The following SOX5 variants were observed in gnomAD, a reference collection of about 807,000 sequenced individuals.
SOX5 encodes SRY-box transcription factor 5.
A neutral mutation model predicts 92.0 loss-of-function variants in SOX5; 9 were observed. That is an observed-to-expected ratio of 0.10 (90% CI 0.06 to 0.17). The LOEUF (loss-of-function observed/expected upper bound fraction) is 0.17, where lower values mean the gene tolerates loss of function less well. Among genes scored for constraint, SOX5 ranks in the 10% least tolerant of loss-of-function variants. SOX5 has a pLI of 1.00. For synonymous variants in SOX5, 344 were observed against 336.3 expected, an observed-to-expected ratio of 1.02 and a Z score of -0.25; for missense variants, 642 against 944.5, an observed-to-expected ratio of 0.68 and a Z score of 4.20.
chr12:24,225,434 G>T lies in SOX5; in HGVS notation c.-76-12017C>A, dbSNP rs78002068. On this transcript the variant is annotated intron_variant, in intron 3 of 4. Transcript: ENST00000446891. ...AGCTTTGAAACTTTAAAACTTTTGG[G>T]CATCAGGAAAAGCCATTAGTTGAGT... is the stretch of plus-strand genomic sequence containing the variant. Among the ~76,000 whole-genome samples, 87 of 151,240 alleles carry T rather than the reference G, an allele frequency of 5.8e-4. 2 individuals carry two copies. In the East Asian group the frequency reaches 0.015, roughly 27 times the overall value.
At chr12:23,591,608 C>T (rs1951568262) in intron 9 of SOX5, among the ~76,000 whole-genome samples, 1 of 152,130 alleles carries the variant, frequency 6.6e-6, no homozygotes, top group Non-Finnish European at 1.5e-5. Flanking sequence ...AGAGAAACGA[C>T]AGTGCTATTT....
intron 1 of SOX5, among the ~76,000 whole-genome samples, chr12:24,442,647 G>A (rs1940822042): frequency 6.6e-6 from 1 of 152,188 alleles, no homozygotes; most frequent in Non-Finnish European, 1.5e-5. Context: ...TGATTTAACT[G>A]AGCAGCGTGA....
At chr12:23,979,962 C>CAGACAGACAGAT (rs1251117542) in intron 4 of SOX5, among the ~76,000 whole-genome samples, 1 of 135,546 alleles carries the variant, frequency 7.4e-6, no homozygotes, top group African/African-American at 2.7e-5. Context: ...GACAGACAGA[C>CAGACAGACAGAT]AGATAGATAG....
At chr12:24,502,061 T>C (rs1195303016) in intron 1 of SOX5, among the ~76,000 whole-genome samples, 1 of 152,216 alleles carries the variant, frequency 6.6e-6, no homozygotes, top group African/African-American at 2.4e-5. Flanking sequence ...GAAACAGCCT[T>C]CCAGGCTCCA....
chr12:24,070,419 G>T (rs1941579019), intron 4 of SOX5, among the ~76,000 whole-genome samples: 1 of 152,116 alleles, frequency 6.6e-6, no homozygotes, highest in South Asian at 2.1e-4. Flanking sequence ...GAAAAGAGCA[G>T]GTCCCAGAAC....
chr12:24,552,547 T>C (rs1253288390), intron 1 of SOX5, among the ~76,000 whole-genome samples: 2 of 152,254 alleles, frequency 1.3e-5, no homozygotes, highest in African/African-American at 4.8e-5. Context: ...AACACTGTTC[T>C]GTAATTTCCT....
chr12:24,097,751 G>A (rs1029780788), intron 4 of SOX5, among the ~76,000 whole-genome samples: 12 of 151,984 alleles, frequency 7.9e-5, no homozygotes, highest in Non-Finnish European at 1.3e-4. Context: ...ACTACTGATC[G>A]CACTGTCATT....
chr12:23,657,702 G>T (rs901785889), intron 7 of SOX5, among the ~76,000 whole-genome samples: 2 of 152,146 alleles, frequency 1.3e-5, no homozygotes, highest in Admixed American at 6.5e-5. Context: ...TAAAAACTTA[G>T]AAGTCTAAGG....
intron 9 of SOX5, among the ~76,000 whole-genome samples, chr12:23,583,762 G>C (rs1247892665): frequency 6.6e-6 from 1 of 152,198 alleles, no homozygotes; most frequent in East Asian, 1.9e-4. Flanking sequence ...AGAAATTAAA[G>C]AGTTGATCAC....
chr12:23,960,530 CATAT>C (rs60925174), intron 4 of SOX5, among the ~76,000 whole-genome samples: 14 of 137,092 alleles, frequency 1.0e-4, no homozygotes, highest in East Asian at 4.0e-4. Context: ...TATATATATA[CATAT>C]ATATATATAT....
At chr12:24,099,593 A>T (rs1056890676) in intron 4 of SOX5, among the ~76,000 whole-genome samples, 6 of 152,052 alleles carry the variant, frequency 3.9e-5, no homozygotes, top group African/African-American at 1.4e-4. Context: ...CTTGGCTGAG[A>T]GTTACTGGCT....
intron 8 of SOX5, among the ~76,000 whole-genome samples, chr12:23,608,579 T>A (rs1303047833): frequency 6.6e-6 from 1 of 152,198 alleles, no homozygotes; most frequent in Non-Finnish European, 1.5e-5. Flanking sequence ...TGCTTTCTAC[T>A]TCTAGTGGAA....
intron 1 of SOX5, among the ~76,000 whole-genome samples, chr12:24,380,061 T>G (rs1957675048): frequency 6.6e-6 from 1 of 152,036 alleles, no homozygotes; most frequent in Admixed American, 6.5e-5. Context: ...TGAAGTGAAA[T>G]GAAAGACAGG....
In SOX5 at chr12:24,200,521, C is replaced by T. The variant is rs143793532; in HGVS notation, c.-2+12822G>A. Among the ~76,000 whole-genome samples the T allele has an allele frequency of 5.2e-3, 795 of 151,686 alleles. 4 individuals are homozygous for T. Among genetic ancestry groups the T allele is most frequent in the African/African-American group, 0.018 (751 of 41,366 alleles). ...TTTTTTTTAATTTGATCTACGCTGC[C>T]GTGAAAACACGCACACTCATATATA... On this transcript the variant is annotated intron_variant, in intron 4 of 4. Transcript: ENST00000446891.
intron 3 of SOX5, among the ~76,000 whole-genome samples, chr12:24,250,819 AC>A (rs1438875280): frequency 2.0e-5 from 3 of 152,120 alleles, no homozygotes; most frequent in Admixed American, 2.0e-4. Flanking sequence ...TAAACGCCCT[AC>A]CTTCCCCATG....
chr12:23,663,468 T>C (rs1407800956), intron 7 of SOX5, among the ~76,000 whole-genome samples: 1 of 152,190 alleles, frequency 6.6e-6, no homozygotes, highest in Non-Finnish European at 1.5e-5. Context: ...GGTTATGCTA[T>C]TGTTCATACT....
chr12:24,213,263 A>T (rs1275057479), intron 4 of SOX5: 1 of 152,094 alleles, frequency 6.6e-6, no homozygotes, highest in African/African-American at 2.4e-5. Context: ...TGGAAGAAAT[A>T]AGCAAGTGGC....
chr12:23,695,585 A>T (rs1470439976), intron 6 of SOX5, among the ~76,000 whole-genome samples: 1 of 152,164 alleles, frequency 6.6e-6, no homozygotes, highest in African/African-American at 2.4e-5. Flanking sequence ...GTAGAAAATT[A>T]TTTTATTAAT....
At chr12:24,058,540 G>T (rs898569815) in intron 4 of SOX5, among the ~76,000 whole-genome samples, 1 of 152,124 alleles carries the variant, frequency 6.6e-6, no homozygotes, top group Non-Finnish European at 1.5e-5. Context: ...TTCTTTGCTG[G>T]TAAGTTAGCT....
Sources: gnomAD v4.1 joint callset for allele counts (sites outside exome capture counted in the v4.1 genomes callset) on GRCh38, gnomAD v4.1.1 for gene constraint, MANE v1.5 for transcripts, NCBI Gene and HGNC (gene_info 2026-07-23, HGNC 2026-07-21) for gene names.